Variants in NAV2 observed in about 807,000 individuals in gnomAD.
The protein encoded by NAV2 is helicase, APC down-regulated 1.
A neutral mutation model predicts 223.2 loss-of-function variants in NAV2; 54 were observed. The ratio of observed to expected loss-of-function variants is 0.24; its 90% CI spans 0.19 to 0.30. The LOEUF (loss-of-function observed/expected upper bound fraction) is 0.30, where lower values mean the gene tolerates loss of function less well. NAV2 is among the 10% of genes least tolerant of loss of function. NAV2 has a pLI of 1.00. For missense variants in NAV2, 2,806 were observed against 3,147.5 expected (o/e 0.89, Z 2.60); for synonymous variants, 1,279 against 1,239.3 (o/e 1.03, Z -0.67).
At chr11:19,606,047 T>C (rs1051411288) in intron 1 of NAV2, among the ~76,000 whole-genome samples, 1 of 152,190 alleles carries the variant, frequency 6.6e-6, no homozygotes, top group Admixed American at 6.5e-5. Flanking sequence ...TTGAACTATA[T>C]AATTTTATCT....
intron 1 of NAV2, among the ~76,000 whole-genome samples, chr11:19,474,773 G>A (rs972789789): frequency 6.6e-6 from 1 of 152,172 alleles, no homozygotes; most frequent in South Asian, 2.1e-4. Context: ...GATGAAAAAA[G>A]CCAGCTTTGC....
chr11:20,028,331 C>T, intron 11 of NAV2, among the ~76,000 whole-genome samples: 1 of 152,098 alleles, frequency 6.6e-6, no homozygotes, highest in East Asian at 1.9e-4. Context: ...GTTTAATGGG[C>T]CCTTCCATGT....
At chr11:19,786,861 G>C (rs1363397523) in intron 1 of NAV2, among the ~76,000 whole-genome samples, 2 of 152,174 alleles carry the variant, frequency 1.3e-5, no homozygotes, top group Non-Finnish European at 2.9e-5. Flanking sequence ...GTGGTAGCGT[G>C]CACCTGTAGC....
chr11:19,591,834 A>G (rs2046071416), intron 1 of NAV2, among the ~76,000 whole-genome samples: 1 of 152,236 alleles, frequency 6.6e-6, no homozygotes, highest in Non-Finnish European at 1.5e-5. Flanking sequence ...GACCCACAGC[A>G]GAGTTCTGCC....
At chr11:19,858,032 A>G (rs1319301691) in intron 3 of NAV2, among the ~76,000 whole-genome samples, 1 of 151,916 alleles carries the variant, frequency 6.6e-6, no homozygotes, top group Non-Finnish European at 1.5e-5. Context: ...AATTTTTTGT[A>G]TTTTTAGTAG....
At chr11:20,005,256 T>A (rs879718038) in intron 11 of NAV2, among the ~76,000 whole-genome samples, 118,069 of 138,036 alleles carry the variant, frequency 0.86, 50,512 homozygotes, top group Middle Eastern at 0.92. Flanking sequence ...TATATATATT[T>A]TTTTTTTTTT....
chr11:19,519,013 C>T (rs1244996926), intron 1 of NAV2, among the ~76,000 whole-genome samples: 1 of 152,180 alleles, frequency 6.6e-6, no homozygotes, highest in Non-Finnish European at 1.5e-5. Context: ...CTCACCAGAA[C>T]CTGGCCATGC....
intron 1 of NAV2, among the ~76,000 whole-genome samples, chr11:19,631,851 G>A (rs1414971717): frequency 6.6e-6 from 1 of 152,240 alleles, no homozygotes; most frequent in Non-Finnish European, 1.5e-5. Context: ...CCTGTGTGCT[G>A]TCAGACATCT....
At chr11:19,474,545 T>A (rs2042060233) in intron 1 of NAV2, among the ~76,000 whole-genome samples, 1 of 152,200 alleles carries the variant, frequency 6.6e-6, no homozygotes, top group Non-Finnish European at 1.5e-5. Flanking sequence ...CAGCTGCCTT[T>A]GGAGAGGACA....
chr11:19,638,686 A>G (rs901177977), intron 1 of NAV2, among the ~76,000 whole-genome samples: 2 of 152,202 alleles, frequency 1.3e-5, no homozygotes, highest in African/African-American at 4.8e-5. Context: ...GAGCCGAAAT[A>G]TACACAGGTG....
intron 1 of NAV2, among the ~76,000 whole-genome samples, chr11:19,623,141 G>C (rs1463934731): frequency 6.6e-6 from 1 of 152,196 alleles, no homozygotes; most frequent in Non-Finnish European, 1.5e-5. Context: ...TTCACTGTTA[G>C]TCTGATGGGC....
intron 1 of NAV2, among the ~76,000 whole-genome samples, chr11:19,352,234 C>T (rs1853370412): frequency 6.6e-6 from 1 of 152,086 alleles, no homozygotes; most frequent in Non-Finnish European, 1.5e-5. Context: ...CCTGTCTACT[C>T]CTATTTCTAC....
At chr11:19,698,408 C>T (rs550953071) in intron 1 of NAV2, among the ~76,000 whole-genome samples, 1 of 152,320 alleles carries the variant, frequency 6.6e-6, no homozygotes, top group South Asian at 2.1e-4. Context: ...CCCAGAGAGC[C>T]CTGGTGGAGA....
At chr11:19,889,198 G>A (rs1396059277) in intron 5 of NAV2, among the ~76,000 whole-genome samples, 1 of 152,194 alleles carries the variant, frequency 6.6e-6, no homozygotes, top group Non-Finnish European at 1.5e-5. Context: ...TCCCTCCTGG[G>A]TGAGTCCGGG....
At chr11:19,412,364 C>A (rs181854823) in intron 1 of NAV2, among the ~76,000 whole-genome samples, 62 of 152,348 alleles carry the variant, frequency 4.1e-4, no homozygotes, top group Admixed American at 7.8e-4. Context: ...GCCAGACTGC[C>A]TCTCTAGATT....
At chr11:20,062,286 C>CTTTTTTT in intron 19 of NAV2, 21 bp from the exon 20 acceptor site, 2 of 1,380,292 alleles carry the variant, frequency 1.4e-6, no homozygotes, top group Non-Finnish European at 2.0e-6. Context: ...ATCAATTCAC[C>CTTTTTTT]TTTTTTTTTT....
At chr11:20,052,707 T>C (rs1276893313) in intron 17 of NAV2, among the ~76,000 whole-genome samples, 1 of 152,190 alleles carries the variant, frequency 6.6e-6, no homozygotes, top group Admixed American at 6.5e-5. Context: ...TGCATGTCTG[T>C]CAGATATAGT....
At chr11:19,771,627 G>A (rs566594955) in intron 1 of NAV2, among the ~76,000 whole-genome samples, 9 of 152,074 alleles carry the variant, frequency 5.9e-5, no homozygotes, top group Middle Eastern at 3.4e-3. Context: ...CTGAGTTGTC[G>A]GGGGAGCCAG....
intron 1 of NAV2, among the ~76,000 whole-genome samples, chr11:19,805,684 A>G (rs2058518356): frequency 6.6e-6 from 1 of 152,166 alleles, no homozygotes; most frequent in Admixed American, 6.5e-5. Context: ...CTTTCCATTT[A>G]TTTGAAATAT....
Sources: allele counts gnomAD v4.1 joint callset (sites outside exome capture counted in the v4.1 genomes callset), GRCh38; gene constraint gnomAD v4.1.1; transcripts MANE v1.5; gene names NCBI Gene and HGNC (gene_info 2026-07-23, HGNC 2026-07-21).